ZFYVE9: variants seen among roughly 807,000 people sequenced by gnomAD.
The protein encoded by ZFYVE9 is zinc finger FYVE-type containing 9.
In ZFYVE9, 43 loss-of-function variants were observed where a neutral mutation model predicts 126.7. The observed-to-expected ratio is 0.34, with a 90% CI of 0.27 to 0.44. ZFYVE9 has a LOEUF of 0.44. Ranked by LOEUF, ZFYVE9 falls within the 20% of genes least tolerant of loss-of-function variation. The pLI is 1.00. For synonymous variants in ZFYVE9, 521 were observed against 597.4 expected (o/e 0.87, Z 1.87); for missense variants, 1,476 against 1,697.0 (o/e 0.87, Z 2.29).
chr1:52,344,701 A>G, intron 17 of ZFYVE9, 67 bp from the exon 18 acceptor site: 1 of 1,539,390 alleles, frequency 6.5e-7, no homozygotes, highest in Non-Finnish European at 8.9e-7. Context: ...GCTCATATAC[A>G]GTGAGCTAAT....
chr1:52,173,740 T>C (rs1644594911), intron 1 of ZFYVE9, among the ~76,000 whole-genome samples: 1 of 152,108 alleles, frequency 6.6e-6, no homozygotes, highest in African/African-American at 2.4e-5. Context: ...GGAGAGTGTA[T>C]GTGTCGAGGA....
chr1:52,186,823 CACAA>C (rs1310028917), intron 1 of ZFYVE9, among the ~76,000 whole-genome samples: 2 of 152,016 alleles, frequency 1.3e-5, no homozygotes, highest in East Asian at 1.9e-4. Context: ...TCAGAGATGA[CACAA>C]ACAAATGGAA....
chr1:52,281,182 G>C (rs904370434), intron 9 of ZFYVE9, among the ~76,000 whole-genome samples: 6 of 149,260 alleles, frequency 4.0e-5, no homozygotes, highest in Non-Finnish European at 8.9e-5. Flanking sequence ...GCCTAGGCTG[G>C]AGTGCAGTGG....
intron 1 of ZFYVE9, among the ~76,000 whole-genome samples, chr1:52,195,818 A>C (rs1308898702): frequency 1.3e-5 from 2 of 151,186 alleles, no homozygotes; most frequent in African/African-American, 2.4e-5. Context: ...TCCAAGGCAG[A>C]GTCTCACTCT....
chr1:52,147,872 C>G (rs1459928293), intron 1 of ZFYVE9, among the ~76,000 whole-genome samples: 1 of 152,042 alleles, frequency 6.6e-6, no homozygotes, highest in Non-Finnish European at 1.5e-5. Flanking sequence ...CTCACCAACA[C>G]TTGTTATCTG....
intron 4 of ZFYVE9, among the ~76,000 whole-genome samples, chr1:52,257,232 T>C (rs1329760480): frequency 2.0e-5 from 3 of 152,226 alleles, no homozygotes; most frequent in African/African-American, 4.8e-5. Context: ...GAACCTATTA[T>C]ATGCTACATT....
intron 3 of ZFYVE9, among the ~76,000 whole-genome samples, chr1:52,236,956 A>G (rs1645278381): frequency 6.6e-6 from 1 of 152,026 alleles, no homozygotes; most frequent in African/African-American, 2.4e-5. Context: ...ATTTTTTTTA[A>G]CAGCTTTTTA....
chr1:52,214,385 C>T (rs1253123550), intron 1 of ZFYVE9, among the ~76,000 whole-genome samples: 1 of 152,060 alleles, frequency 6.6e-6, no homozygotes, highest in African/African-American at 2.4e-5. Flanking sequence ...CAAGATTGCA[C>T]CATTACATTC....
At chr1:52,201,869 C>T (rs970294955) in intron 1 of ZFYVE9, among the ~76,000 whole-genome samples, 36 of 151,794 alleles carry the variant, frequency 2.4e-4, no homozygotes, top group Non-Finnish European at 3.4e-4. Context: ...CTGCAACCTC[C>T]GCCTCCCAGG....
rs779603894 is a variant in ZFYVE9, at chr1:52,274,524, A to T, written c.2686A>T (p.Met896Leu). The T allele has an allele frequency of 6.2e-7, 1 of 1,612,758 alleles. No homozygotes were observed. The highest frequency in any genetic ancestry group is 8.5e-7 in the Non-Finnish European group (1 of 1,179,230). ...TQVGSPVGSA[M>L]NLIPEDGLPP... ...GGTTGGAAGTCCTGTTGGAAGTGCA[A>T]TGAATCTTATTCCTGAAGATGGCCT... Residue 896 changes from methionine to leucine, a missense_variant, in exon 8 of 19, where the codon ATG becomes TTG. This residue lies in a region of ZFYVE9 where 669 missense variants were observed against 902.4 expected (regional missense o/e 0.74). Transcript: ENST00000287727.
At chr1:52,283,031 A>G (rs1407921294) in intron 10 of ZFYVE9, among the ~76,000 whole-genome samples, 2 of 152,188 alleles carry the variant, frequency 1.3e-5, no homozygotes, top group Non-Finnish European at 2.9e-5. Context: ...GATACATTGG[A>G]AACTGACCAC....
chr1:52,218,105 C>T (rs1645088532), intron 2 of ZFYVE9, among the ~76,000 whole-genome samples: 1 of 152,268 alleles, frequency 6.6e-6, no homozygotes, highest in East Asian at 1.9e-4. Context: ...CTGATGCTGT[C>T]TATGTAAACT....
chr1:52,224,795 C>T (rs532276753), intron 2 of ZFYVE9, among the ~76,000 whole-genome samples: 6 of 152,200 alleles, frequency 3.9e-5, no homozygotes, highest in Middle Eastern at 6.8e-3. Flanking sequence ...TGGGGTATTT[C>T]CCATCCTGGC....
At chr1:52,201,197 A>G (rs1037826156) in intron 1 of ZFYVE9, among the ~76,000 whole-genome samples, 10 of 152,040 alleles carry the variant, frequency 6.6e-5, no homozygotes, top group Non-Finnish European at 1.2e-4. Context: ...TCTTGAACAT[A>G]TTGTGTTATA....
At position 52,172,968 on chromosome 1, in the gene ZFYVE9, C is replaced by A. The variant is rs1278355257; in HGVS notation, c.-143+30565C>A. ...ACAAACAGGGACAATTTGACTTCCT[C>A]TTTTCCTAATTGAATACCCTTTATT... On this transcript the variant is annotated intron_variant, in intron 1 of 18. Coordinates refer to ENST00000287727, the MANE Select transcript of ZFYVE9 (RefSeq NM_004799.4). Among the ~76,000 whole-genome samples, 10 of 151,924 alleles carry A rather than the reference C, an allele frequency of 6.6e-5. No individual in the cohort carries two copies. In the South Asian group the frequency reaches 1.2e-3, roughly 19 times the overall value.
At chr1:52,327,274 T>C (rs1646299958) in intron 13 of ZFYVE9, among the ~76,000 whole-genome samples, 1 of 152,108 alleles carries the variant, frequency 6.6e-6, no homozygotes, top group African/African-American at 2.4e-5. Context: ...TCAAAGAAGG[T>C]AATGGTCACA....
At chr1:52,172,337 T>C (rs978084260) in intron 1 of ZFYVE9, among the ~76,000 whole-genome samples, 1 of 152,310 alleles carries the variant, frequency 6.6e-6, no homozygotes, top group South Asian at 2.1e-4. Flanking sequence ...TTCTGAGGGC[T>C]CTGTTCTGTT....
intron 4 of ZFYVE9, among the ~76,000 whole-genome samples, chr1:52,254,863 G>A (rs1257550734): frequency 6.6e-6 from 1 of 152,106 alleles, no homozygotes; most frequent in Admixed American, 6.5e-5. Flanking sequence ...CTACTTGGGA[G>A]GCTGAGGTGG....
chr1:52,237,947 T>C lies in ZFYVE9; in HGVS notation c.530T>C (p.Leu177Pro). 6.2e-7 allele frequency: 1 copy of C among 1,614,020 alleles called. No homozygotes were observed. Among genetic ancestry groups the C allele is most frequent in the Non-Finnish European group, 8.5e-7 (1 of 1,179,942 alleles). Reference sequence around the variant, plus strand: ...TGTAATAATTATAATAGTCAATCCCTTATGGATGCTTTTAGCTGTTCACTG... The same window carrying C: ...TGTAATAATTATAATAGTCAATCCCCTATGGATGCTTTTAGCTGTTCACTG... Reference protein sequence around the residue: ...QDCNNYNSQSLMDAFSCSLDN... With the variant: ...QDCNNYNSQSPMDAFSCSLDN... Residue 177 changes from leucine to proline, a missense_variant, in exon 4 of 19, where the codon CTT becomes CCT. By Grantham distance (98) the Leu-to-Pro change is moderately conservative. Around this residue, in one of 2 missense-constraint regions of ZFYVE9, gnomAD observed 807 missense variants for 794.6 expected, o/e 1.02. Transcript: ENST00000287727.
Sources: allele counts gnomAD v4.1 joint callset (sites outside exome capture counted in the v4.1 genomes callset), GRCh38; gene constraint gnomAD v4.1.1; regional missense constraint gnomAD v4.1.1; transcripts MANE v1.5; gene names NCBI Gene and HGNC (gene_info 2026-07-23, HGNC 2026-07-21).